The following CSMD1 variants were observed in gnomAD, a reference collection of about 807,000 sequenced individuals.
CSMD1 encodes CUB and sushi domain-containing protein 1.
CSMD1 carries 213 observed loss-of-function variants against 417.5 expected under a neutral mutation model. The observed-to-expected ratio is 0.51, with a 90% CI of 0.46 to 0.57. The LOEUF (loss-of-function observed/expected upper bound fraction) is 0.57. CSMD1 is among the 20% of genes least tolerant of loss of function. CSMD1 has a pLI of 0.00. For missense variants in CSMD1, 6,923 were observed against 4,529.7 expected (o/e 1.53, Z -15.17); for synonymous variants, 2,862 against 1,736.8 (o/e 1.65, Z -16.11).
intron 3 of CSMD1, among the ~76,000 whole-genome samples, chr8:4,084,577 A>C (rs994678077): frequency 6.6e-6 from 1 of 152,164 alleles, no homozygotes; most frequent in Non-Finnish European, 1.5e-5. Flanking sequence ...TCGATTCCTT[A>C]ATCAACCTTG....
intron 11 of CSMD1, among the ~76,000 whole-genome samples, chr8:3,478,119 C>A (rs1344929664): frequency 6.6e-6 from 1 of 152,230 alleles, no homozygotes; most frequent in Non-Finnish European, 1.5e-5. Context: ...ACGCCTCACT[C>A]AAGTATGGCA....
intron 5 of CSMD1, among the ~76,000 whole-genome samples, chr8:3,788,929 G>A (rs2623676): frequency 1 from 152,035 of 152,338 alleles, 75,867 homozygotes; most frequent in Middle Eastern, 1. Flanking sequence ...CTATGGGTAC[G>A]TATTTCCTAG....
intron 1 of CSMD1, among the ~76,000 whole-genome samples, chr8:4,899,964 T>C (rs1359511265): frequency 6.6e-6 from 1 of 152,192 alleles, no homozygotes; most frequent in Non-Finnish European, 1.5e-5. Context: ...AGTTGTTAAA[T>C]AAATGGGTCT....
intron 5 of CSMD1, among the ~76,000 whole-genome samples, chr8:3,973,254 C>G (rs1294912631): frequency 6.6e-6 from 1 of 152,150 alleles, no homozygotes; most frequent in Admixed American, 6.5e-5. Context: ...GGAGTGAGAG[C>G]TATGGCTTGG....
intron 2 of CSMD1, among the ~76,000 whole-genome samples, chr8:4,429,698 C>G (rs758927645): frequency 4.6e-5 from 7 of 152,094 alleles, no homozygotes; most frequent in Non-Finnish European, 1.0e-4. Context: ...CCCAAAAGAA[C>G]AGGAGCTCCA....
intron 2 of CSMD1, among the ~76,000 whole-genome samples, chr8:4,601,252 G>A (rs1800564461): frequency 6.6e-6 from 1 of 152,248 alleles, no homozygotes; most frequent in Admixed American, 6.5e-5. Flanking sequence ...CACCGCACCT[G>A]GCCAGATTTT....
chr8:3,013,972 T>A (rs953408009), intron 52 of CSMD1, among the ~76,000 whole-genome samples: 2 of 152,152 alleles, frequency 1.3e-5, no homozygotes, highest in African/African-American at 4.8e-5. Flanking sequence ...AGCCTGCTCT[T>A]ACCCAAAACT....
chr8:4,688,679 A>C (rs573654485), intron 1 of CSMD1, among the ~76,000 whole-genome samples: 1 of 152,290 alleles, frequency 6.6e-6, no homozygotes, highest in East Asian at 1.9e-4. Flanking sequence ...CTATTTACAT[A>C]GTTATTTTCA....
Position 4,126,865 on chromosome 8 carries a change from C to G in CSMD1, c.416-94766G>C, listed in dbSNP as rs1322835574. Reference sequence around the variant, plus strand: ...AGTGGATGTTGGCAAAGATCAGTCCCAGGACCACAGCATCTGTCTCCTGGG... The same window carrying G: ...AGTGGATGTTGGCAAAGATCAGTCCGAGGACCACAGCATCTGTCTCCTGGG... On this transcript the variant is annotated intron_variant, in intron 3 of 69. Coordinates refer to ENST00000635120, the MANE Select transcript of CSMD1 (RefSeq NM_033225.6). 2.6e-5 allele frequency among the ~76,000 whole-genome samples: 4 copies of G among 152,082 alleles called. No individual in the cohort carries two copies. The East Asian group carries it at 7.7e-4, about 29-fold the overall frequency.
At chr8:3,580,236 G>A (rs914588005) in intron 9 of CSMD1, among the ~76,000 whole-genome samples, 2 of 152,124 alleles carry the variant, frequency 1.3e-5, no homozygotes, top group Non-Finnish European at 2.9e-5. Context: ...ACAAACACAT[G>A]GACATATAAT....
intron 5 of CSMD1, chr8:3,950,040 G>C: frequency 2.2e-6 from 1 of 455,604 alleles, no homozygotes; most frequent in Admixed American, 2.4e-5. Flanking sequence ...CGTATTTGCT[G>C]TCACGCTACA....
chr8:3,772,478 T>C (rs867901212), intron 5 of CSMD1, among the ~76,000 whole-genome samples: 2 of 45,608 alleles, frequency 4.4e-5, no homozygotes, highest in African/African-American at 8.2e-5. Context: ...CACATATATA[T>C]ACATATATAC....
intron 3 of CSMD1, among the ~76,000 whole-genome samples, chr8:4,390,238 T>C (rs1305755006): frequency 1.3e-5 from 2 of 152,152 alleles, no homozygotes; most frequent in African/African-American, 4.8e-5. Context: ...TGTGCCTTCT[T>C]CTTGGGGAAA....
rs147637234 is a variant in CSMD1 at position 4,337,007 on chromosome 8, C to G, written c.415+82946G>C. On this transcript the variant is annotated intron_variant, in intron 3 of 69. Coordinates refer to ENST00000635120, the MANE Select transcript of CSMD1 (RefSeq NM_033225.6). ...TTTCTTCCCAGAATGGCTGACTGGCCTGCTTACTAAATCTGCAATTATAAA... is the reference window on the plus strand; with the variant it reads ...TTTCTTCCCAGAATGGCTGACTGGCGTGCTTACTAAATCTGCAATTATAAA... Among the ~76,000 whole-genome samples the G allele has an allele frequency of 4.5e-3, 685 of 152,158 alleles. 5 individuals are homozygous for G. Among genetic ancestry groups the G allele is most frequent in the African/African-American group, 0.016 (658 of 41,504 alleles).
chr8:3,693,903 C>T (rs1434889847), intron 7 of CSMD1, among the ~76,000 whole-genome samples: 2 of 146,392 alleles, frequency 1.4e-5, no homozygotes, highest in Admixed American at 6.8e-5. Flanking sequence ...TGTGTGTTGG[C>T]GTCTTGTGTG....
chr8:3,158,045 A>AT (rs1435490880), intron 38 of CSMD1, 79 bp from the exon 39 acceptor site: 5 of 1,142,518 alleles, frequency 4.4e-6, no homozygotes, highest in African/African-American at 3.1e-5. Context: ...GAATATCTGC[A>AT]TTTTTTCCTT....
intron 3 of CSMD1, among the ~76,000 whole-genome samples, chr8:4,352,611 A>G (rs926828890): frequency 1.3e-5 from 2 of 152,224 alleles, no homozygotes; most frequent in South Asian, 2.1e-4. Context: ...GAGAAAAGTC[A>G]TTTGCCCCGA....
chr8:4,952,894 G>C (rs1366132088), intron 1 of CSMD1, among the ~76,000 whole-genome samples: 2 of 152,076 alleles, frequency 1.3e-5, no homozygotes, highest in African/African-American at 4.8e-5. Flanking sequence ...AAATGTTTTT[G>C]AATGAAATCT....
At chr8:3,021,241 C>T (rs76919096) in intron 51 of CSMD1, among the ~76,000 whole-genome samples, 2,952 of 152,212 alleles carry the variant, frequency 0.019, 87 homozygotes, top group African/African-American at 0.066. Context: ...TAAGTTTGTC[C>T]TCTAACAAGA....
Sources: gnomAD v4.1 joint callset for allele counts (sites outside exome capture counted in the v4.1 genomes callset) on GRCh38, gnomAD v4.1.1 for gene constraint, MANE v1.5 for transcripts, NCBI Gene and HGNC (gene_info 2026-07-23, HGNC 2026-07-21) for gene names.